Variants in FGF14 observed in about 807,000 individuals in gnomAD.
FGF14 encodes fibroblast growth factor 14.
In FGF14, 5 loss-of-function variants were observed where a neutral mutation model predicts 25.5. That is an observed-to-expected ratio of 0.20 (90% confidence interval 0.10 to 0.41). FGF14 has a LOEUF of 0.41. FGF14 is among the 10% of genes least tolerant of loss of function. FGF14 has a pLI of 1.00. For missense variants in FGF14, 222 were observed against 320.1 expected, an observed-to-expected ratio of 0.69 and a Z score of 2.34; for synonymous variants, 138 against 118.3, an observed-to-expected ratio of 1.17 and a Z score of -1.08.
chr13:101,898,341 A>AACACAC (rs55676818), intron 1 of FGF14, among the ~76,000 whole-genome samples: 42,313 of 144,200 alleles, frequency 0.29, 6,208 homozygotes, highest in Admixed American at 0.33. Context: ...TGAAACATAC[A>AACACAC]ACACACACAC....
intron 1 of FGF14, among the ~76,000 whole-genome samples, chr13:101,903,587 T>G (rs1472820758): frequency 6.6e-6 from 1 of 152,090 alleles, no homozygotes; most frequent in East Asian, 1.9e-4. Flanking sequence ...TACAGGAGAA[T>G]TGTAGCTTTT....
At chr13:101,903,725 C>T (rs1392394120) in intron 1 of FGF14, among the ~76,000 whole-genome samples, 1 of 152,124 alleles carries the variant, frequency 6.6e-6, no homozygotes, top group Non-Finnish European at 1.5e-5. Flanking sequence ...TAATGAGCAG[C>T]TAACAGGAAG....
At chr13:102,075,372 A>C (rs2043317445) in intron 1 of FGF14, among the ~76,000 whole-genome samples, 1 of 152,212 alleles carries the variant, frequency 6.6e-6, no homozygotes, top group African/African-American at 2.4e-5. Flanking sequence ...GAATTTGGTT[A>C]ATGACAGAAA....
chr13:102,086,422 C>T (rs1038033446), intron 1 of FGF14, among the ~76,000 whole-genome samples: 10 of 151,838 alleles, frequency 6.6e-5, no homozygotes, highest in Admixed American at 3.9e-4. Flanking sequence ...CCCAGCTACT[C>T]GGGAGGCTGA....
chr13:102,181,764 A>G (rs1181931628), intron 1 of FGF14, among the ~76,000 whole-genome samples: 1 of 152,172 alleles, frequency 6.6e-6, no homozygotes, highest in Non-Finnish European at 1.5e-5. Flanking sequence ...CTGGATCCAT[A>G]GTAGTGCATA....
intron 3 of FGF14, among the ~76,000 whole-genome samples, chr13:101,736,502 TATTA>T (rs1347485741): frequency 6.6e-6 from 1 of 152,214 alleles, no homozygotes; most frequent in Non-Finnish European, 1.5e-5. Flanking sequence ...TTACGTTTCC[TATTA>T]ATTGAATTTT....
chr13:102,227,871 G>A (rs764417628), intron 1 of FGF14, among the ~76,000 whole-genome samples: 2 of 152,100 alleles, frequency 1.3e-5, no homozygotes, highest in African/African-American at 4.8e-5. Flanking sequence ...CTGGCGTCTT[G>A]TCTGCTGAGC....
chr13:102,044,278 C>T (rs1440261745), intron 1 of FGF14, among the ~76,000 whole-genome samples: 1 of 152,086 alleles, frequency 6.6e-6, no homozygotes, highest in Non-Finnish European at 1.5e-5. Flanking sequence ...TAGATGCTGT[C>T]CTAACTGCTA....
intron 1 of FGF14, among the ~76,000 whole-genome samples, chr13:102,013,598 A>G (rs908264808): frequency 5.3e-5 from 8 of 152,224 alleles, no homozygotes; most frequent in African/African-American, 1.9e-4. Flanking sequence ...CAATTCTTGA[A>G]TAACAGAATC....
chr13:102,329,450 C>A (rs1434207007), intron 1 of FGF14, among the ~76,000 whole-genome samples: 14 of 152,172 alleles, frequency 9.2e-5, no homozygotes, highest in Admixed American at 9.2e-4. Context: ...TCAATGTGAG[C>A]AGACCTTTGT....
intron 3 of FGF14, among the ~76,000 whole-genome samples, chr13:101,812,634 TATATATATATATATA>T (rs1323142971): frequency 5.2e-4 from 7 of 13,586 alleles, no homozygotes; most frequent in Non-Finnish European, 1.3e-3. Flanking sequence ...TATATATATA[TATATATATATATATA>T]TATATTTTTT....
chr13:101,717,327 G>A lies in FGF14; in HGVS notation c.*5504C>T, dbSNP rs2034763548. On this transcript the variant is annotated 3_prime_UTR_variant, in exon 5 of 5. Transcript: ENST00000376143. ...ATAAAAATTGTTATCTCTATCCTGA[G>A]ATTAAGGAGTGCAACCATGTTGTAG... 6.6e-6 allele frequency: 1 copy of A among 152,092 alleles called. No individual in the cohort carries two copies. Among genetic ancestry groups the A allele is most frequent in the Admixed American group, 6.6e-5 (1 of 15,258 alleles). 9.4% of individuals were successfully genotyped at this position (152,092 alleles called of 1,614,324 possible). A position where few individuals can be genotyped will look rare whatever the true frequency, so the allele number is the denominator to read the frequency against.
At chr13:101,937,618 A>T (rs2035189310) in intron 1 of FGF14, among the ~76,000 whole-genome samples, 1 of 151,504 alleles carries the variant, frequency 6.6e-6, no homozygotes, top group South Asian at 2.1e-4. Flanking sequence ...GTTTTTGAGA[A>T]GGAGTCTTGC....
At chr13:101,973,553 G>C (rs550493214) in intron 1 of FGF14, among the ~76,000 whole-genome samples, 11 of 152,306 alleles carry the variant, frequency 7.2e-5, no homozygotes, top group Admixed American at 6.5e-4. Context: ...GCAGGCTGAG[G>C]AGCAAGGAGA....
chr13:102,238,458 C>T (rs1425928723), intron 1 of FGF14, among the ~76,000 whole-genome samples: 1 of 152,224 alleles, frequency 6.6e-6, no homozygotes. Context: ...GCATGCTTGA[C>T]ACTGTTTCTT....
At position 102,253,404 on chromosome 13, in the gene FGF14, A is replaced by G. The variant is rs1222408468; in HGVS notation, c.208+148067T>C. On this transcript the variant is annotated intron_variant, in intron 1 of 4. Coordinates refer to the FGF14 transcript ENST00000376131. ...GTATCTCACTGTGGTTTTGATTTGC[A>G]TTTCTCTAATAACCAGTGATGATGA... Among the ~76,000 whole-genome samples the G allele has an allele frequency of 3.3e-5, 5 of 152,258 alleles. No individual in the cohort carries two copies. In the South Asian group the frequency reaches 1.0e-3, roughly 32 times the overall value.
Position 101,968,671 on chromosome 13 carries a change from T to C in FGF14, c.209-93375A>G, listed in dbSNP as rs1451240541. Among the ~76,000 whole-genome samples the C allele has an allele frequency of 7.0e-5, 5 of 71,896 alleles. No homozygotes were observed. The Admixed American group carries it at 8.7e-4, about 12-fold the overall frequency. 47.2% of individuals were successfully genotyped at this position (71,896 alleles called of 152,430 possible). A position where few individuals can be genotyped will look rare whatever the true frequency, so the allele number is the denominator to read the frequency against. ...CTGGGCGACAGAGCGAGACTCCGTC[T>C]CCAAAAAAAAAAAAAAAAACCTCAA... On this transcript the variant is annotated intron_variant, in intron 1 of 4. Coordinates refer to the FGF14 transcript ENST00000376131.
chr13:102,296,775 G>C (rs184225826), intron 1 of FGF14, among the ~76,000 whole-genome samples: 46 of 152,236 alleles, frequency 3.0e-4, no homozygotes, highest in Non-Finnish European at 5.4e-4. Context: ...AGGGAAACTA[G>C]AATTCAGCAG....
chr13:102,279,751 C>T (rs2053735947), intron 1 of FGF14, among the ~76,000 whole-genome samples: 2 of 152,148 alleles, frequency 1.3e-5, no homozygotes, highest in Admixed American at 6.5e-5. Context: ...GGAAACAACA[C>T]AGTCTAAAAG....
Sources: allele counts gnomAD v4.1 joint callset (sites outside exome capture counted in the v4.1 genomes callset), GRCh38; gene constraint gnomAD v4.1.1; transcripts MANE v1.5; gene names NCBI Gene and HGNC (gene_info 2026-07-23, HGNC 2026-07-21).